Variants in FAM227B observed in about 807,000 individuals in gnomAD.
FAM227B encodes the protein family with sequence similarity 227 member B, also known as protein FAM227B.
A neutral mutation model predicts 73.8 loss-of-function variants in FAM227B; 88 were observed. The ratio of observed to expected loss-of-function variants is 1.19; its 90% CI spans 1.00 to 1.42. The LOEUF is 1.42. FAM227B is among the 40% of genes most tolerant of loss of function. FAM227B has a pLI of 0.00. For synonymous variants in FAM227B, 210 were observed against 190.5 expected (o/e 1.10, Z -0.84); for missense variants, 632 against 590.9 (o/e 1.07, Z -0.72).
chr15:49,329,127 GTATA>G (rs2038097914), intron 15 of FAM227B: 1 of 991,984 alleles, frequency 1.0e-6, no homozygotes, highest in African/African-American at 1.7e-5. Flanking sequence ...AAGCTTGTTT[GTATA>G]TATGCACCCC....
chr15:49,558,013 G>A (rs1567574749), intron 9 of FAM227B, among the ~76,000 whole-genome samples: 2 of 152,166 alleles, frequency 1.3e-5, no homozygotes, highest in African/African-American at 4.8e-5. Context: ...GAACCTGGGT[G>A]GTCATGGCTC....
At chr15:49,559,785 A>C (rs529277820) in intron 9 of FAM227B, among the ~76,000 whole-genome samples, 2 of 152,118 alleles carry the variant, frequency 1.3e-5, no homozygotes, top group African/African-American at 4.8e-5. Flanking sequence ...AAATACAAAA[A>C]TTAGCAGGGC....
rs895212545 is a variant in FAM227B, at chr15:49,569,822, C to T, written c.646-1476G>A. Among the ~76,000 whole-genome samples, 3 of 152,094 alleles carry T rather than the reference C, an allele frequency of 2.0e-5. No homozygotes were observed. In the East Asian group the frequency reaches 5.8e-4, roughly 29 times the overall value. ...TCTGTAACTACTGCTCTGCTCTCTACTTCTGTGAGTTCAACTTTTTTAGGT... is the reference window on the plus strand; with the variant it reads ...TCTGTAACTACTGCTCTGCTCTCTATTTCTGTGAGTTCAACTTTTTTAGGT... On this transcript the variant is annotated intron_variant, in intron 8 of 15. Coordinates refer to ENST00000299338, the MANE Select transcript of FAM227B (RefSeq NM_152647.3).
At chr15:49,410,298 T>G (rs1417962035) in intron 11 of FAM227B, among the ~76,000 whole-genome samples, 1 of 152,154 alleles carries the variant, frequency 6.6e-6, no homozygotes, top group Non-Finnish European at 1.5e-5. Context: ...TGATTGCAAA[T>G]CGTTTGAACC....
chr15:49,397,971 T>A (rs78290266), intron 11 of FAM227B, among the ~76,000 whole-genome samples: 2 of 152,070 alleles, frequency 1.3e-5, no homozygotes, highest in African/African-American at 4.8e-5. Flanking sequence ...AACATCATAA[T>A]GACAGGATCA....
At chr15:49,564,595 C>T (rs143525373) in intron 9 of FAM227B, among the ~76,000 whole-genome samples, 1 of 152,040 alleles carries the variant, frequency 6.6e-6, no homozygotes, top group Non-Finnish European at 1.5e-5. Context: ...ACCTAACTAT[C>T]CATCAATGGT....
intron 13 of FAM227B, among the ~76,000 whole-genome samples, chr15:49,338,091 T>C (rs1249283456): frequency 6.6e-6 from 1 of 152,136 alleles, no homozygotes; most frequent in African/African-American, 2.4e-5. Context: ...TTGTCTTCCA[T>C]TGTTGTGTCT....
At chr15:49,536,405 A>C (rs2070277138) in intron 10 of FAM227B, among the ~76,000 whole-genome samples, 1 of 151,928 alleles carries the variant, frequency 6.6e-6, no homozygotes, top group African/African-American at 2.4e-5. Context: ...AAAACACTGA[A>C]GAAAGAAATT....
chr15:49,354,783 G>T (rs953599220), intron 13 of FAM227B, among the ~76,000 whole-genome samples: 2 of 151,978 alleles, frequency 1.3e-5, no homozygotes, highest in Non-Finnish European at 2.9e-5. Flanking sequence ...CACCTCTGGG[G>T]GCAGGGCACA....
chr15:49,378,511 T>C (rs539039757), intron 11 of FAM227B, among the ~76,000 whole-genome samples: 1 of 152,230 alleles, frequency 6.6e-6, no homozygotes, highest in South Asian at 2.1e-4. Context: ...TAGTTTTCAT[T>C]ATAGAGTTCC....
chr15:49,455,853 TC>T (rs1200775634), intron 11 of FAM227B, among the ~76,000 whole-genome samples: 3 of 152,126 alleles, frequency 2.0e-5, no homozygotes, highest in African/African-American at 7.2e-5. Context: ...ATGGCTTTTT[TC>T]TTTTTTTTCT....
chr15:49,449,215 T>C (rs2151875561), intron 11 of FAM227B, among the ~76,000 whole-genome samples: 2 of 152,120 alleles, frequency 1.3e-5, no homozygotes, highest in South Asian at 4.1e-4. Context: ...TCCACCTGCA[T>C]AGGCTCATAT....
intron 9 of FAM227B, among the ~76,000 whole-genome samples, chr15:49,544,239 A>T (rs944079681): frequency 4.6e-5 from 7 of 151,872 alleles, no homozygotes; most frequent in African/African-American, 1.7e-4. Context: ...CAAGTTATTT[A>T]TTTATTTAAT....
chr15:49,549,566 C>G (rs1191250789), intron 9 of FAM227B, among the ~76,000 whole-genome samples: 3 of 151,958 alleles, frequency 2.0e-5, no homozygotes, highest in Admixed American at 6.6e-5. Context: ...ATCTGTTTAA[C>G]AAAGCACATC....
chr15:49,444,817 T>C (rs1326344707), intron 11 of FAM227B, among the ~76,000 whole-genome samples: 3 of 151,724 alleles, frequency 2.0e-5, no homozygotes, highest in Admixed American at 6.6e-5. Context: ...AATCAATGTT[T>C]TTGTGATATA....
At chr15:49,592,365 T>G (rs1165511198) in intron 3 of FAM227B, among the ~76,000 whole-genome samples, 1 of 152,184 alleles carries the variant, frequency 6.6e-6, no homozygotes, top group Non-Finnish European at 1.5e-5. Context: ...GGATGTCCTT[T>G]TTGTGGATGT....
intron 11 of FAM227B, among the ~76,000 whole-genome samples, chr15:49,380,574 T>A (rs1293547046): frequency 6.6e-6 from 1 of 152,180 alleles, no homozygotes; most frequent in Non-Finnish European, 1.5e-5. Context: ...GAAATAAAAA[T>A]TCAAAATATT....
chr15:49,502,464 T>A (rs1035230719), intron 11 of FAM227B, among the ~76,000 whole-genome samples: 1 of 152,262 alleles, frequency 6.6e-6, no homozygotes, highest in Non-Finnish European at 1.5e-5. Context: ...TAATGACTGC[T>A]CTGCCAGGTT....
chr15:49,538,107 G>C (rs1166348987), intron 10 of FAM227B, among the ~76,000 whole-genome samples: 3 of 152,178 alleles, frequency 2.0e-5, no homozygotes, highest in African/African-American at 4.8e-5. Context: ...ACATACAAGG[G>C]AGTGTGGTGG....
Sources: gnomAD v4.1 joint callset for allele counts (sites outside exome capture counted in the v4.1 genomes callset) on GRCh38, gnomAD v4.1.1 for gene constraint, MANE v1.5 for transcripts, NCBI Gene and HGNC (gene_info 2026-07-23, HGNC 2026-07-21) for gene names.